DOCK8: variants seen among roughly 807,000 people sequenced by gnomAD.
DOCK8 encodes dedicator of cytokinesis 8, also known as dedicator of cytokinesis protein 8.
A neutral mutation model predicts 245.6 loss-of-function variants in DOCK8; 141 were observed. That is an observed-to-expected ratio of 0.57 (90% CI 0.50 to 0.66). The LOEUF is 0.66. DOCK8 is among the 30% of genes least tolerant of loss of function. The pLI is 0.00. For missense variants in DOCK8, 2,965 were observed against 2,603.4 expected (o/e 1.14, Z -3.02); for synonymous variants, 1,168 against 970.2 (o/e 1.20, Z -3.79).
chr9:377,846 T>C (rs891813100), intron 20 of DOCK8, among the ~76,000 whole-genome samples: 1 of 152,228 alleles, frequency 6.6e-6, no homozygotes, highest in Non-Finnish European at 1.5e-5. Flanking sequence ...CTAAATACAA[T>C]GTGTACATTT....
intron 27 of DOCK8, 124 bp downstream of exon 27, chr9:405,197 A>G: frequency 9.7e-7 from 1 of 1,028,280 alleles, no homozygotes; most frequent in Non-Finnish European, 1.4e-6. Context: ...AACAATTCAA[A>G]CCAGATCAAG....
chr9:313,425 C>T (rs2050210703), intron 6 of DOCK8, among the ~76,000 whole-genome samples: 1 of 152,152 alleles, frequency 6.6e-6, no homozygotes, highest in South Asian at 2.1e-4. Flanking sequence ...CTTTTCTTAT[C>T]CTGATTTTCT....
chr9:340,207 G>C lies in DOCK8; in HGVS notation c.1565G>C (p.Cys522Ser). Residue 522 changes from cysteine to serine, a missense_variant, in exon 14 of 48, where the codon TGT becomes TCT. Transcript: ENST00000432829. Reference protein sequence around the residue: ...ISTAPEIINCCLTPEMLPVKP... With the variant: ...ISTAPEIINCSLTPEMLPVKP... ...ACAGCTCCAGAGATCATCAATTGCT[G>C]TCTGACTCCTGAAATGCTGCCCGTG... 1.2e-6 allele frequency: 2 copies of C among 1,614,086 alleles called. No homozygotes were observed. Among genetic ancestry groups the C allele is most frequent in the Non-Finnish European group, 1.7e-6 (2 of 1,180,014 alleles).
rs138556239 is a variant in DOCK8 at position 355,320 on chromosome 9, T to C, written c.1680-12698T>C. ...CCTGGTACAAGCGATTCCCCTGCCT[T>C]AGCCTCCTGAATAGCTGGGATTACA... On this transcript the variant is annotated intron_variant, in intron 14 of 47. Transcript: ENST00000432829. Among the ~76,000 whole-genome samples the C allele has an allele frequency of 4.4e-3, 668 of 151,174 alleles. 4 individuals carry two copies. The highest frequency in any genetic ancestry group is 7.1e-3 in the Non-Finnish European group (483 of 67,874).
Position 271,648 on chromosome 9 carries a change from GA to G in DOCK8, c.78del (p.Lys26AsnfsTer17). Reference protein sequence around the residue: ...INRYSSAEIRKQFTLPPNLGQ... With the variant: ...INRYSSAEIRXQFTLPPNLGQ... ...CAAGGTATTCTTCAGCGGAAATAAGGAAACAGTTTACTCTCCCACCAAACCT... is the reference window on the plus strand; with the variant it reads ...CAAGGTATTCTTCAGCGGAAATAAGGAACAGTTTACTCTCCCACCAAACCT... On this transcript the variant is annotated frameshift_variant, in exon 2 of 48. Coordinates refer to ENST00000432829, the MANE Select transcript of DOCK8 (RefSeq NM_203447.4). LOFTEE classifies it high-confidence loss of function. 6.4e-7 allele frequency: 1 copy of G among 1,550,892 alleles called. No homozygotes were observed. The highest frequency in any genetic ancestry group is 2.4e-5 in the East Asian group (1 of 40,898).
Position 273,076 on chromosome 9 carries a change from C to G in DOCK8, c.156+1347C>G, listed in dbSNP as rs1366977283. The G allele has an allele frequency of 3.0e-6, 3 of 985,286 alleles. No individual in the cohort carries two copies. In the African/African-American group the frequency reaches 5.2e-5, roughly 17 times the overall value. The allele number at this position is 985,286 out of a possible 1,614,324, so 61.0% of individuals were successfully genotyped here. ...TTTGTCTCCTGTAACAATTTACGCG[C>G]CGTGTAACTGTGAATCTTTCAAAGG... On this transcript the variant is annotated intron_variant, in intron 2 of 47. Coordinates refer to ENST00000432829, the MANE Select transcript of DOCK8 (RefSeq NM_203447.4).
Position 439,334 on chromosome 9 carries a change from C to T in DOCK8, c.5169C>T (p.Phe1723=), listed in dbSNP as rs772267566. The change falls in exon 40 of 48, where the codon TTC becomes TTT. Residue 1723 remains phenylalanine (F), a synonymous_variant. Transcript: ENST00000432829. The part of the protein sequence containing the change: ...DEDGVCAGQY[F]TESGLVGLLE... ...ATGGGGTGTGCGCAGGCCAGTACTT[C>T]ACCGAGAGTGGCCTGGTAGGCCTCC... The T allele has an allele frequency of 8.7e-6, 14 of 1,614,056 alleles. No individual in the cohort carries two copies. In the East Asian group the frequency reaches 2.5e-4, roughly 28 times the overall value.
At chr9:305,384 G>A (rs1368168074) in intron 5 of DOCK8, among the ~76,000 whole-genome samples, 3 of 151,490 alleles carry the variant, frequency 2.0e-5, no homozygotes, top group African/African-American at 4.9e-5. Context: ...CCGGGTTCAC[G>A]CCATTCTGCT....
At chr9:404,767 T>G in intron 26 of DOCK8, 151 bp from the exon 27 acceptor site, 1 of 807,084 alleles carries the variant, frequency 1.2e-6, no homozygotes, top group Non-Finnish European at 2.0e-6. Context: ...CTCTCTGTAA[T>G]GCAGAATTTA....
intron 14 of DOCK8, among the ~76,000 whole-genome samples, chr9:355,070 T>C (rs1291346102): frequency 2.0e-5 from 3 of 152,036 alleles, no homozygotes; most frequent in Non-Finnish European, 4.4e-5. Context: ...TACAAAACAT[T>C]GAACTGGGAG....
intron 46 of DOCK8, among the ~76,000 whole-genome samples, chr9:455,573 G>C (rs1345445370): frequency 6.6e-6 from 1 of 152,062 alleles, no homozygotes; most frequent in African/African-American, 2.4e-5. Flanking sequence ...CTGAAGCACT[G>C]CATTTCTAAC....
At chr9:401,203 G>A (rs1033235735) in intron 26 of DOCK8, among the ~76,000 whole-genome samples, 3 of 151,044 alleles carry the variant, frequency 2.0e-5, no homozygotes, top group African/African-American at 7.4e-5. Context: ...TTTAAAATAA[G>A]AAGGGGGGGT....
chr9:443,393 T>C (rs752997387), intron 42 of DOCK8, 34 bp from the exon 43 acceptor site: 1 of 1,591,156 alleles, frequency 6.3e-7, no homozygotes, highest in Admixed American at 1.7e-5. Context: ...TATGTTAAAA[T>C]AACCTTTATA....
rs140054577 is a variant in DOCK8, at chr9:287,824, T to C, written c.332+1188T>C. Among the ~76,000 whole-genome samples, 42 of 152,334 alleles carry C rather than the reference T, an allele frequency of 2.8e-4. No individual in the cohort carries two copies. In the East Asian group the frequency reaches 8.1e-3, roughly 29 times the overall value. On this transcript the variant is annotated intron_variant, in intron 3 of 47. Transcript: ENST00000432829. ...AAGAATCATTTAATTTATTCCTTTATGTAAAATTTATGGATGTTTCCAAAT... is the reference window on the plus strand; with the variant it reads ...AAGAATCATTTAATTTATTCCTTTACGTAAAATTTATGGATGTTTCCAAAT...
At chr9:258,849 T>C (rs1458905772) in intron 1 of DOCK8, among the ~76,000 whole-genome samples, 30 of 152,042 alleles carry the variant, frequency 2.0e-4, no homozygotes. Flanking sequence ...CTGCCCGCCT[T>C]GGCCTCCCAA....
chr9:245,471 G>T (rs1002173347), intron 1 of DOCK8, among the ~76,000 whole-genome samples: 1 of 152,126 alleles, frequency 6.6e-6, no homozygotes, highest in Non-Finnish European at 1.5e-5. Context: ...GCCTCCCAAA[G>T]TGCTGGGATT....
chr9:423,935 A>C (rs1464695971), intron 33 of DOCK8, among the ~76,000 whole-genome samples: 1 of 152,100 alleles, frequency 6.6e-6, no homozygotes, highest in Non-Finnish European at 1.5e-5. Context: ...GGAGCAACAC[A>C]ATATTGGTCC....
At chr9:323,218 CTTTTT>C (rs1164158230) in intron 7 of DOCK8, among the ~76,000 whole-genome samples, 1 of 67,236 alleles carries the variant, frequency 1.5e-5, no homozygotes, top group Non-Finnish European at 2.6e-5. Context: ...AATCTACCAT[CTTTTT>C]TTTTTTTTTT....
In DOCK8 at chr9:393,085, C is replaced by CAA. The variant is rs1159933739; in HGVS notation, c.2970+2547_2970+2548dup. Among the ~76,000 whole-genome samples, 182 of 44,724 alleles carry CAA rather than the reference C, an allele frequency of 4.1e-3. 6 individuals carry two copies. The highest frequency in any genetic ancestry group is 6.5e-3 in the African/African-American group (90 of 13,812). 29.3% of individuals were successfully genotyped at this position (44,724 alleles called of 152,430 possible). On this transcript the variant is annotated intron_variant, in intron 24 of 47. Coordinates refer to ENST00000432829, the MANE Select transcript of DOCK8 (RefSeq NM_203447.4). Reference sequence around the variant, plus strand: ...TGGGCAACAGATTGAGACCCTGTCTCAAAAAAAAAAAAAAAAAAAAAAAAA... The same window carrying CAA: ...TGGGCAACAGATTGAGACCCTGTCTCAAAAAAAAAAAAAAAAAAAAAAAAAAA...
Sources: gnomAD v4.1 joint callset for allele counts (sites outside exome capture counted in the v4.1 genomes callset) on GRCh38, gnomAD v4.1.1 for gene constraint, MANE v1.5 for transcripts, NCBI Gene and HGNC (gene_info 2026-07-23, HGNC 2026-07-21) for gene names.